C16orf74: variants seen among roughly 807,000 people sequenced by gnomAD.
C16orf74 encodes calcimembrin.
Under a neutral mutation model 6.5 loss-of-function variants are expected in C16orf74, and 10 were observed. That is an observed-to-expected ratio of 1.54 (90% CI 0.95 to 2.61). The LOEUF (loss-of-function observed/expected upper bound fraction) is 2.61, where lower values mean the gene tolerates loss of function less well. C16orf74 is among the 30% of genes most tolerant of loss of function. The pLI, the probability that C16orf74 is intolerant of heterozygous loss-of-function variation, is 0.00. For missense variants in C16orf74, 141 were observed against 105.9 expected, an observed-to-expected ratio of 1.33 and a Z score of -1.45; for synonymous variants, 60 against 42.5, an observed-to-expected ratio of 1.41 and a Z score of -1.60.
At chr16:85,736,499 TG>T (rs1323990281) in intron 1 of C16orf74, among the ~76,000 whole-genome samples, 1 of 151,910 alleles carries the variant, frequency 6.6e-6, no homozygotes, top group East Asian at 1.9e-4. Flanking sequence ...GAGAAGGAGC[TG>T]GAAGTCCAGG....
chr16:85,745,780 G>C (rs1343334900), intron 1 of C16orf74, among the ~76,000 whole-genome samples: 2 of 150,274 alleles, frequency 1.3e-5, no homozygotes, highest in African/African-American at 2.5e-5. Flanking sequence ...CCGCTGGCTG[G>C]AGGGACCCTG....
chr16:85,748,342 G>C (rs926864846), intron 1 of C16orf74, among the ~76,000 whole-genome samples: 2 of 152,038 alleles, frequency 1.3e-5, no homozygotes, highest in African/African-American at 2.4e-5. Context: ...GCTCACGCCT[G>C]TAATTCCAGC....
In C16orf74 at chr16:85,741,414, G is replaced by A. The variant is rs186685452; in HGVS notation, c.-18-6179C>T. ...GAAGGAAGGCAGGGAGGGAAGGAGG[G>A]AAGAAGCAAACCAGAGGATGGGGGA... is the stretch of plus-strand genomic sequence containing the variant. On this transcript the variant is annotated intron_variant, in intron 1 of 3. Coordinates refer to ENST00000284245, the MANE Select transcript of C16orf74 (RefSeq NM_206967.3). Among the ~76,000 whole-genome samples the A allele has an allele frequency of 8.4e-4, 128 of 152,268 alleles. No homozygotes were observed. In the East Asian group the frequency reaches 0.018, roughly 21 times the overall value.
intron 2 of C16orf74, among the ~76,000 whole-genome samples, chr16:85,714,601 G>T (rs989267569): frequency 6.6e-6 from 1 of 151,106 alleles, no homozygotes; most frequent in South Asian, 2.1e-4. Flanking sequence ...TATATTTTTC[G>T]TAGAGACGGC....
intron 1 of C16orf74, among the ~76,000 whole-genome samples, chr16:85,745,801 A>C (rs2054367301): frequency 6.6e-6 from 1 of 150,444 alleles, no homozygotes; most frequent in African/African-American, 2.5e-5. Flanking sequence ...CTTTCCAAAG[A>C]CACAGAATCT....
intron 1 of C16orf74, among the ~76,000 whole-genome samples, chr16:85,749,706 C>G (rs1214720891): frequency 1.1e-4 from 16 of 152,244 alleles, no homozygotes. Context: ...TATCAGTGCG[C>G]TCTTCTTCAG....
At chr16:85,727,732 T>C (rs2054148231) in intron 2 of C16orf74, among the ~76,000 whole-genome samples, 1 of 152,022 alleles carries the variant, frequency 6.6e-6, no homozygotes, top group Admixed American at 6.6e-5. Context: ...GAGAATCGCT[T>C]GATCCCAGGA....
intron 1 of C16orf74, among the ~76,000 whole-genome samples, chr16:85,741,445 A>G (rs1047455544): frequency 6.6e-6 from 1 of 152,090 alleles, no homozygotes; most frequent in Non-Finnish European, 1.5e-5. Context: ...GGGGACCAGG[A>G]GCAGCTCCAG....
rs539443492 is a variant in C16orf74 at position 85,725,874 on chromosome 16, C to T, written c.28+9316G>A. ...CCACCTTGGCTTTCCGAAGTGCTGG[C>T]CTGTATTACCGCACCTGGCCTGTAT... On this transcript the variant is annotated intron_variant, in intron 2 of 3. Transcript: ENST00000284245. 2.6e-3 allele frequency among the ~76,000 whole-genome samples: 401 copies of T among 152,234 alleles called. 2 individuals are homozygous for T. Among genetic ancestry groups the T allele is most frequent in the Non-Finnish European group, 2.6e-3 (180 of 68,010 alleles).
intron 2 of C16orf74, among the ~76,000 whole-genome samples, chr16:85,734,460 T>G (rs1485031401): frequency 6.6e-6 from 1 of 152,064 alleles, no homozygotes; most frequent in Non-Finnish European, 1.5e-5. Flanking sequence ...GTCAGGTAGG[T>G]GGCCCCGGGG....
intron 2 of C16orf74, among the ~76,000 whole-genome samples, chr16:85,719,520 A>G (rs2054057987): frequency 6.6e-6 from 1 of 152,102 alleles, no homozygotes; most frequent in Non-Finnish European, 1.5e-5. Flanking sequence ...CCAGACGGGC[A>G]CACTGAGGCA....
intron 2 of C16orf74, among the ~76,000 whole-genome samples, chr16:85,711,095 C>T (rs573899362): frequency 4.1e-4 from 63 of 152,194 alleles, no homozygotes; most frequent in African/African-American, 1.5e-3. Context: ...GGGCAGATCA[C>T]TTGAGGTCAG....
At chr16:85,748,284 C>T (rs59978072) in intron 1 of C16orf74, among the ~76,000 whole-genome samples, 1,642 of 151,912 alleles carry the variant, frequency 0.011, 34 homozygotes, top group African/African-American at 0.038. Flanking sequence ...CAAAAATTTT[C>T]TGATTGGCAA....
chr16:85,731,863 G>C (rs1373358846), intron 2 of C16orf74, among the ~76,000 whole-genome samples: 2 of 152,044 alleles, frequency 1.3e-5, no homozygotes, highest in Admixed American at 6.5e-5. Flanking sequence ...GATAATTTTT[G>C]TATTTTTTGT....
At chr16:85,743,651 G>T (rs1411477203) in intron 1 of C16orf74, 2 of 152,208 alleles carry the variant, frequency 1.3e-5, no homozygotes, top group African/African-American at 4.8e-5. Context: ...GGACGCAGTG[G>T]CTCAAGCCTG....
intron 2 of C16orf74, among the ~76,000 whole-genome samples, chr16:85,720,577 G>C (rs2054072082): frequency 6.6e-6 from 1 of 152,082 alleles, no homozygotes; most frequent in Non-Finnish European, 1.5e-5. Context: ...GTTCAAGACA[G>C]GCCTGGACAA....
chr16:85,715,477 T>A (rs1598783071), intron 2 of C16orf74, among the ~76,000 whole-genome samples: 1 of 152,164 alleles, frequency 6.6e-6, no homozygotes, highest in East Asian at 1.9e-4. Flanking sequence ...GGAATCTGGC[T>A]GACCCCAAGA....
intron 2 of C16orf74, among the ~76,000 whole-genome samples, chr16:85,723,735 G>T (rs980486286): frequency 6.6e-6 from 1 of 152,222 alleles, no homozygotes; most frequent in African/African-American, 2.4e-5. Context: ...GTGGTGGGGC[G>T]TGCACGTAGC....
chr16:85,744,083 G>C (rs1471272237), intron 1 of C16orf74: 1 of 151,322 alleles, frequency 6.6e-6, no homozygotes, highest in Non-Finnish European at 1.5e-5. Context: ...AAATTAGCCG[G>C]GCATGGTGGT....
Sources: gnomAD v4.1 joint callset for allele counts (sites outside exome capture counted in the v4.1 genomes callset) on GRCh38, gnomAD v4.1.1 for gene constraint, MANE v1.5 for transcripts, NCBI Gene and HGNC (gene_info 2026-07-23, HGNC 2026-07-21) for gene names.